The following SCHIP1 variants were observed in gnomAD, a reference collection of about 807,000 sequenced individuals.
SCHIP1 encodes the protein schwannomin interacting protein 1, also known as schwannomin-interacting protein 1.
SCHIP1 carries 8 observed loss-of-function variants against 29.7 expected under a neutral mutation model. That is an observed-to-expected ratio of 0.27 (90% CI 0.16 to 0.49). The LOEUF (loss-of-function observed/expected upper bound fraction) is 0.49. Among genes scored for constraint, SCHIP1 ranks in the 20% least tolerant of loss-of-function variants. SCHIP1 has a pLI of 0.99. For missense variants in SCHIP1, 193 were observed against 294.6 expected (o/e 0.66, Z 2.52); for synonymous variants, 76 against 94.9 (o/e 0.80, Z 1.16).
At chr3:159,507,258 GCATT>G in the SCHIP1 span, among the ~76,000 whole-genome samples, 1 of 151,626 alleles carries the variant, frequency 6.6e-6, no homozygotes, top group African/African-American at 2.4e-5. Flanking sequence ...TCATGATTTG[GCATT>G]CTGTTTGTCT....
At chr3:159,567,415 T>G in the SCHIP1 span, among the ~76,000 whole-genome samples, 18 of 152,318 alleles carry the variant, frequency 1.2e-4, no homozygotes, top group African/African-American at 4.1e-4. Flanking sequence ...ACACAAGATA[T>G]TCACCATCTC....
chr3:159,401,726 C>A, the SCHIP1 span, among the ~76,000 whole-genome samples: 1 of 152,256 alleles, frequency 6.6e-6, no homozygotes, highest in African/African-American at 2.4e-5. Flanking sequence ...AAGTCCTTGC[C>A]CATGCCTATG....
chr3:159,580,893 A>G, the SCHIP1 span, among the ~76,000 whole-genome samples: 9 of 152,186 alleles, frequency 5.9e-5, no homozygotes, highest in African/African-American at 2.2e-4. Flanking sequence ...TGCACTTTCC[A>G]TGATCCATGC....
the SCHIP1 span, among the ~76,000 whole-genome samples, chr3:159,447,262 A>T: frequency 6.6e-6 from 1 of 152,172 alleles, no homozygotes; most frequent in African/African-American, 2.4e-5. Context: ...AATATAACTT[A>T]TTAAAATCTT....
At chr3:159,713,224 GAA>G in the SCHIP1 span, among the ~76,000 whole-genome samples, 1,677 of 121,382 alleles carry the variant, frequency 0.014, 22 homozygotes, top group African/African-American at 0.043. Context: ...GAGAGAGAGA[GAA>G]AGAAAGGAAG....
At chr3:159,646,009 T>C in the SCHIP1 span, among the ~76,000 whole-genome samples, 24 of 152,292 alleles carry the variant, frequency 1.6e-4, no homozygotes, top group Admixed American at 4.6e-4. Flanking sequence ...CAAGATGTCA[T>C]GTGCAAGTTA....
chr3:159,671,233 C>T, the SCHIP1 span, among the ~76,000 whole-genome samples: 1 of 152,154 alleles, frequency 6.6e-6, no homozygotes, highest in African/African-American at 2.4e-5. Flanking sequence ...ATTCTATGTA[C>T]ACTCAAGTAA....
the SCHIP1 span, among the ~76,000 whole-genome samples, chr3:159,744,656 T>C: frequency 6.6e-6 from 1 of 152,202 alleles, no homozygotes; most frequent in Non-Finnish European, 1.5e-5. Flanking sequence ...ATGGTAACCA[T>C]TGGACAGAAG....
the SCHIP1 span, among the ~76,000 whole-genome samples, chr3:159,571,009 T>G: frequency 6.6e-6 from 1 of 152,206 alleles, no homozygotes; most frequent in Non-Finnish European, 1.5e-5. Context: ...GAGACTTTGC[T>G]GAAGTTGTTT....
At chr3:159,837,505 C>T (rs1209189291), upstream of SCHIP1, among the ~76,000 whole-genome samples, 1 of 152,068 alleles carries the variant, frequency 6.6e-6, no homozygotes, top group African/African-American at 2.4e-5. Flanking sequence ...GTTGGATCAC[C>T]CAAGATCAGG....
chr3:159,462,163 C>G, the SCHIP1 span, among the ~76,000 whole-genome samples: 1 of 151,844 alleles, frequency 6.6e-6, no homozygotes, highest in African/African-American at 2.4e-5. Flanking sequence ...GAGCTGAGAT[C>G]GCACCATCAC....
chr3:159,856,964 C>T (rs1040210167), intron 1 of SCHIP1, among the ~76,000 whole-genome samples: 2 of 152,200 alleles, frequency 1.3e-5, no homozygotes, highest in Admixed American at 6.5e-5. Flanking sequence ...TTAACCCTCA[C>T]GTCTTCCTGC....
At chr3:159,685,234 T>C in the SCHIP1 span, among the ~76,000 whole-genome samples, 2 of 152,228 alleles carry the variant, frequency 1.3e-5, no homozygotes, top group African/African-American at 4.8e-5. Flanking sequence ...AATAGGAAGT[T>C]GTTCTCCTAC....
At chr3:159,684,708 G>A in the SCHIP1 span, among the ~76,000 whole-genome samples, 3 of 151,690 alleles carry the variant, frequency 2.0e-5, no homozygotes, top group Admixed American at 1.3e-4. Context: ...GGGGGCTGAG[G>A]CAGGAGAATT....
At chr3:159,439,336 G>A in the SCHIP1 span, among the ~76,000 whole-genome samples, 1 of 152,126 alleles carries the variant, frequency 6.6e-6, no homozygotes, top group South Asian at 2.1e-4. Context: ...CATGGCAGAA[G>A]GCAAAGGGAA....
upstream of SCHIP1, among the ~76,000 whole-genome samples, chr3:159,835,786 G>C (rs142400231): frequency 6.6e-6 from 1 of 152,140 alleles, no homozygotes; most frequent in Non-Finnish European, 1.5e-5. Flanking sequence ...TCCTGACCCA[G>C]GCTATTCACT....
At chr3:159,342,263 G>A in the SCHIP1 span, among the ~76,000 whole-genome samples, 9 of 152,250 alleles carry the variant, frequency 5.9e-5, no homozygotes, top group African/African-American at 1.9e-4. Context: ...GATCTTAGAA[G>A]CTAACACGTT....
At chr3:159,380,705 G>A in the SCHIP1 span, among the ~76,000 whole-genome samples, 1 of 152,112 alleles carries the variant, frequency 6.6e-6, no homozygotes, top group African/African-American at 2.4e-5. Context: ...ATCCAAACAA[G>A]ATGGAAATTA....
At chr3:159,399,811 G>C in the SCHIP1 span, among the ~76,000 whole-genome samples, 1 of 152,096 alleles carries the variant, frequency 6.6e-6, no homozygotes. Flanking sequence ...TGGGTAGCTA[G>C]GATTATAGGC....
Sources: allele counts gnomAD v4.1 joint callset (sites outside exome capture counted in the v4.1 genomes callset), GRCh38; gene constraint gnomAD v4.1.1; transcripts MANE v1.5; gene names NCBI Gene and HGNC (gene_info 2026-07-23, HGNC 2026-07-21).